PHYKPL: variants seen among roughly 807,000 people sequenced by gnomAD.
The protein encoded by PHYKPL is 5-phosphonooxy-L-lysine phospho-lyase.
Under a neutral mutation model 51.3 loss-of-function variants are expected in PHYKPL, and 42 were observed. The ratio of observed to expected loss-of-function variants is 0.82; its 90% CI spans 0.64 to 1.06. The LOEUF (loss-of-function observed/expected upper bound fraction) is 1.06, where lower values mean the gene tolerates loss of function less well. PHYKPL is among the 50% of genes least tolerant of loss of function. The pLI is 0.00. For missense variants in PHYKPL, 655 were observed against 586.6 expected (o/e 1.12, Z -1.20); for synonymous variants, 264 against 236.0 (o/e 1.12, Z -1.09).
Position 178,231,416 on chromosome 5 carries a change from T to A in PHYKPL, c.167A>T (p.Asn56Ile), listed in dbSNP as rs773364109. 1 of 1,614,216 alleles carries A rather than the reference T, an allele frequency of 6.2e-7. No individual in the cohort carries two copies. The highest frequency in any genetic ancestry group is 8.5e-7 in the Non-Finnish European group (1 of 1,180,026). ...QGAEYIDCIS[N>I]VAHVGHCHPL... is the part of the protein sequence containing the mutation. ...GGTGTGATACTGACCGTGCGCCACA[T>A]TGCTGATGCAATCGATGTATTCTGC... Residue 56 changes from asparagine to isoleucine, a missense_variant, in exon 2 of 13, where the codon AAT (asparagine) becomes ATT (isoleucine). Physicochemically the swap from Asn to Ile is moderately radical, Grantham distance 149. Transcript: ENST00000308158.
rs542352477 is a variant in PHYKPL at position 178,210,459 on chromosome 5, C to T, written c.*31+1431G>A. 53 of 1,494,020 alleles carry T rather than the reference C, an allele frequency of 3.5e-5. No individual in the cohort carries two copies. In the East Asian group the frequency reaches 7.8e-4, roughly 22 times the overall value. The allele number at this position is 1,494,020 out of a possible 1,614,324, so 92.5% of individuals were successfully genotyped here. A position where few individuals can be genotyped will look rare whatever the true frequency, so the allele number is the denominator to read the frequency against. On this transcript the variant is annotated intron_variant, in intron 12 of 12. Coordinates refer to ENST00000308158, the MANE Select transcript of PHYKPL (RefSeq NM_153373.4). ...ATGAGGAAGGCAGTCTCTGCTGTCA[C>T]GGCTGGTGAGGGTCCTGGGAAGATG...
chr5:178,207,451 G>A (rs1222539355), downstream of PHYKPL, among the ~76,000 whole-genome samples: 2 of 152,234 alleles, frequency 1.3e-5, no homozygotes, highest in African/African-American at 4.8e-5. Context: ...GGAGGTAGGA[G>A]AAGGTGGCCT....
At position 178,224,757 on chromosome 5, in the gene PHYKPL, G is replaced by A. The variant is rs760124521; in HGVS notation, c.414-28C>T. 94 of 1,579,578 alleles carry A rather than the reference G, an allele frequency of 6.0e-5. No individual in the cohort carries two copies. In the East Asian group the frequency reaches 1.7e-3, roughly 29 times the overall value. On this transcript the variant is annotated intron_variant, in intron 4 of 12. Transcript: ENST00000308158. ...GGGGAGGAGAAGGGAGGGTAGGCTC[G>A]GGTCCGGGCAGCACCTACTCCCTGG...
chr5:178,215,453 G>A (rs745392126), intron 8 of PHYKPL, 23 bp from the exon 9 acceptor site: 2 of 1,596,200 alleles, frequency 1.3e-6, no homozygotes, highest in Non-Finnish European at 1.7e-6. Context: ...CAAAGAACAT[G>A]TCAGATGCCC....
At chr5:178,217,511 C>T (rs1321740744) in intron 8 of PHYKPL, among the ~76,000 whole-genome samples, 1 of 150,894 alleles carries the variant, frequency 6.6e-6, no homozygotes, top group Non-Finnish European at 1.5e-5. Context: ...GCGTGAGCCA[C>T]TGCACCTGGC....
chr5:178,220,432 T>C (rs1275068509), intron 8 of PHYKPL, among the ~76,000 whole-genome samples: 1 of 143,842 alleles, frequency 7.0e-6, no homozygotes, highest in African/African-American at 2.6e-5. Flanking sequence ...GAGGCAGAGG[T>C]TGCAGTGAGC....
intron 3 of PHYKPL, chr5:178,229,728 G>A (rs1763001101): frequency 3.8e-6 from 2 of 522,208 alleles, no homozygotes; most frequent in Non-Finnish European, 6.6e-6. Flanking sequence ...ATCCTAGAAA[G>A]GAGGTAATAA....
chr5:178,209,012 G>C, intron 12 of PHYKPL, 97 bp from the exon 13 acceptor site: 1 of 293,120 alleles, frequency 3.4e-6, no homozygotes, highest in Non-Finnish European at 6.6e-6. Context: ...AAGGTGTGGT[G>C]CCTGGTCCCA....
chr5:178,231,672 GTC>G (rs778241152), intron 1 of PHYKPL, 149 bp from the exon 2 acceptor site: 1 of 1,578,264 alleles, frequency 6.3e-7, no homozygotes, highest in African/African-American at 1.4e-5. Context: ...TCCCTGCCTT[GTC>G]TCTCCACTCC....
Position 178,211,939 on chromosome 5 carries a change from C to T in PHYKPL, c.1335G>A (p.Thr445=), listed in dbSNP as rs199874889. The T allele has an allele frequency of 1.4e-4, 224 of 1,614,176 alleles. 1 individual carries two copies. In the South Asian group the frequency reaches 2.1e-3, roughly 15 times the overall value. ...GGCTGGCTTAGGGCTGGAGCCTCAG[C>T]GTTTCACAACTTCTCACCTTCTCTT... ...DMEEKVRSCE[T]LRLQP The change falls in exon 12 of 13, where the codon ACG becomes ACA. Residue 445 remains threonine, a synonymous_variant. Transcript: ENST00000308158.
At position 178,212,863 on chromosome 5, in the gene PHYKPL, T is replaced by A. The variant is rs1758893954; in HGVS notation, c.1303+110A>T. The A allele has an allele frequency of 3.1e-5, 44 of 1,437,866 alleles. No homozygotes were observed. The South Asian group carries it at 5.6e-4, about 18-fold the overall frequency. 89.1% of individuals were successfully genotyped at this position (1,437,866 alleles called of 1,614,324 possible). On this transcript the variant is annotated intron_variant, in intron 11 of 12. Transcript: ENST00000308158. Reference sequence around the variant, plus strand: ...CTCCCTGCCCTGTCCAGAGGACATGTGCCTCTGCTCTTGGACTCTTGTCCC... The same window carrying A: ...CTCCCTGCCCTGTCCAGAGGACATGAGCCTCTGCTCTTGGACTCTTGTCCC...
intron 4 of PHYKPL, chr5:178,224,979 A>G (rs2961683): frequency 0.77 from 435,792 of 563,888 alleles, 169,614 homozygotes; most frequent in African/African-American, 0.89. Flanking sequence ...CTGTGAAATG[A>G]GGTGGGATTT....
chr5:178,207,376 GTGTTC>G, downstream of PHYKPL: 1 of 902,280 alleles, frequency 1.1e-6, no homozygotes, highest in Non-Finnish European at 1.7e-6. Flanking sequence ...GATTGGGGCA[GTGTTC>G]CAATCCTTGA....
At chr5:178,224,289 C>CAA (rs1197009834) in intron 6 of PHYKPL, 159 bp downstream of exon 6, 1 of 800,070 alleles carries the variant, frequency 1.2e-6, no homozygotes, top group Non-Finnish European at 1.9e-6. Flanking sequence ...GCCGTGCACT[C>CAA]AGACTCTCTG....
At chr5:178,209,082 G>T (rs1757354433) in intron 12 of PHYKPL, among the ~76,000 whole-genome samples, 167 bp from the exon 13 acceptor site, 1 of 152,216 alleles carries the variant, frequency 6.6e-6, no homozygotes, top group African/African-American at 2.4e-5. Context: ...ATTAGATACG[G>T]AGTTGCTCTG....
intron 12 of PHYKPL, chr5:178,210,123 C>T: frequency 1.9e-6 from 3 of 1,613,896 alleles, no homozygotes; most frequent in Non-Finnish European, 2.5e-6. Context: ...TGCCCTGCTC[C>T]CCCCACAGGT....
intron 12 of PHYKPL, chr5:178,209,274 C>A: frequency 7.4e-7 from 1 of 1,349,430 alleles, no homozygotes; most frequent in Non-Finnish European, 1.1e-6. Flanking sequence ...GGTGTTTGGG[C>A]AGTCACTGCC....
chr5:178,224,540 C>T lies in PHYKPL; in HGVS notation c.526G>A (p.Gly176Ser). ...TTGGGGTGGTCCTCCCGGTAGGGGC[C>T]CCGGTAGGTGTCTGGGAGAGGTGCC... The part of the protein sequence containing the change: ...HVAPLPDTYR[G>S]PYREDHPNPA... Residue 176 changes from glycine (G) to serine (S), a missense_variant, in exon 6 of 13, where the codon GGC becomes AGC. By Grantham distance (56) the Gly-to-Ser change is moderately conservative. Transcript: ENST00000308158. 3 of 1,614,164 alleles carry T rather than the reference C, an allele frequency of 1.9e-6. No homozygotes were observed. Among genetic ancestry groups the T allele is most frequent in the African/African-American group, 1.3e-5 (1 of 75,066 alleles).
intron 8 of PHYKPL, among the ~76,000 whole-genome samples, chr5:178,219,370 A>G (rs1029382892): frequency 2.6e-5 from 4 of 152,066 alleles, no homozygotes; most frequent in African/African-American, 9.7e-5. Context: ...ACAAACAGAC[A>G]CAAAACTCCC....
Sources: gnomAD v4.1 joint callset for allele counts (sites outside exome capture counted in the v4.1 genomes callset) on GRCh38, gnomAD v4.1.1 for gene constraint, MANE v1.5 for transcripts, NCBI Gene and HGNC (gene_info 2026-07-23, HGNC 2026-07-21) for gene names.